The following MYO7A variants were observed in gnomAD, a reference collection of about 807,000 sequenced individuals.
The protein encoded by MYO7A is unconventional myosin-VIIa.
MYO7A carries 210 observed loss-of-function variants against 263.8 expected under a neutral mutation model. The ratio of observed to expected loss-of-function variants is 0.80; its 90% CI spans 0.71 to 0.89. The LOEUF is 0.89. Ranked by LOEUF, MYO7A falls within the 40% of genes least tolerant of loss-of-function variation. The pLI is 0.00. For synonymous variants in MYO7A, 1,239 were observed against 1,197.3 expected (o/e 1.03, Z -0.72); for missense variants, 2,820 against 2,968.3 (o/e 0.95, Z 1.16).
At chr11:77,213,797 G>A (rs751866839) in intron 47 of MYO7A, 63 bp from the exon 48 acceptor site, 1 of 1,611,424 alleles carries the variant, frequency 6.2e-7, no homozygotes, top group Non-Finnish European at 8.5e-7. Flanking sequence ...GTGAGGGCAT[G>A]TGTGGGCAAG....
chr11:77,201,366 T>C, intron 35 of MYO7A, 82 bp from the exon 36 acceptor site: 1 of 1,397,332 alleles, frequency 7.2e-7, no homozygotes, highest in Non-Finnish European at 9.9e-7. Flanking sequence ...ACATGAGTGA[T>C]AACACCTCAG....
rs556665682 is a variant in MYO7A, at chr11:77,211,089, G to T, written c.6052-63G>T. ...CCCCGGCGTTGGGGGTCTTGGTGTGGTGGGAAAGGAGCCCACTTCTGCCAG... is the reference window on the plus strand; with the variant it reads ...CCCCGGCGTTGGGGGTCTTGGTGTGTTGGGAAAGGAGCCCACTTCTGCCAG... On this transcript the variant is annotated intron_variant, in intron 44 of 48. Transcript: ENST00000409709. The T allele has an allele frequency of 5.6e-6, 8 of 1,434,178 alleles. No homozygotes were observed. In the East Asian group the frequency reaches 2.0e-4, roughly 36 times the overall value. The allele number at this position is 1,434,178 out of a possible 1,614,324, so 88.8% of individuals were successfully genotyped here. A position where few individuals can be genotyped will look rare whatever the true frequency, so the allele number is the denominator to read the frequency against.
In MYO7A at chr11:77,195,704, G is replaced by C. The variant is rs184347880; in HGVS notation, c.4323+1180G>C. 3.8e-3 allele frequency among the ~76,000 whole-genome samples: 574 copies of C among 152,322 alleles called. 1 individual carries two copies. Among genetic ancestry groups the C allele is most frequent in the Non-Finnish European group, 5.7e-3 (388 of 68,036 alleles). On this transcript the variant is annotated intron_variant, in intron 32 of 48. Coordinates refer to ENST00000409709, the MANE Select transcript of MYO7A (RefSeq NM_000260.4). ...TGGACTGGAGCTCCTCAGAGTGTCT[G>C]TCCCAGAGCCCTGGGCCAGGCCCCA... is the stretch of plus-strand genomic sequence containing the variant.
chr11:77,153,337 G>A (rs1952146824), intron 4 of MYO7A, among the ~76,000 whole-genome samples: 1 of 152,100 alleles, frequency 6.6e-6, no homozygotes. Flanking sequence ...GAAGGCTGGA[G>A]AGAGCAGGGT....
Position 77,214,632 on chromosome 11 carries a change from C to A in MYO7A, c.6584C>A (p.Thr2195Asn). 6.3e-7 allele frequency: 1 copy of A among 1,587,102 alleles called. No individual in the cohort carries two copies. The highest frequency in any genetic ancestry group is 8.6e-7 in the Non-Finnish European group (1 of 1,167,206). Reference protein sequence around the residue: ...SLGYKMDDLLTSYISQMLTAM... With the variant: ...SLGYKMDDLLNSYISQMLTAM... ...GGCTACAAGATGGATGACCTCCTGA[C>A]TTCCTACATTAGCCAGATGCTCACA... Residue 2195 changes from threonine (T) to asparagine (N), a missense_variant, in exon 49 of 49, where the codon ACT becomes AAT. Transcript: ENST00000409709.
At chr11:77,214,056 A>T (rs1958020550) in intron 48 of MYO7A, 77 bp downstream of exon 48, 1 of 1,595,444 alleles carries the variant, frequency 6.3e-7, no homozygotes, top group African/African-American at 1.3e-5. Context: ...GGCCTGGAAC[A>T]AACACAGTAG....
At position 77,204,096 on chromosome 11, in the gene MYO7A, G is replaced by T. The variant is rs929778737; in HGVS notation, c.5347G>T (p.Asp1783Tyr). The T allele has an allele frequency of 1.9e-6, 3 of 1,601,348 alleles. No homozygotes were observed. The highest frequency in any genetic ancestry group is 2.6e-6 in the Non-Finnish European group (3 of 1,174,286). ...AFIAVLKYMGDYPSKRTRSVN... is the reference protein window; with the variant it reads ...AFIAVLKYMGYYPSKRTRSVN... The stretch of plus-strand genomic sequence containing the variant: ...CCCAGCTGTGCTCAAGTACATGGGC[G>T]ACTACCCGTCCAAGAGGACACGCTC... The change falls in exon 39 of 49, where the codon GAC (aspartate) becomes TAC (tyrosine). Residue 1783 changes from aspartate to tyrosine, a missense_variant. Physicochemically the swap from Asp to Tyr is radical, Grantham distance 160 (BLOSUM62 -3). Coordinates refer to ENST00000409709, the MANE Select transcript of MYO7A (RefSeq NM_000260.4).
At chr11:77,142,625 G>A in intron 2 of MYO7A, 84 bp from the exon 3 acceptor site, 1 of 1,154,178 alleles carries the variant, frequency 8.7e-7, no homozygotes. Flanking sequence ...GCCTCTGATT[G>A]TAGCAGAGGG....
intron 39 of MYO7A, among the ~76,000 whole-genome samples, chr11:77,204,741 C>T (rs1957321971): frequency 6.6e-6 from 1 of 152,192 alleles, no homozygotes; most frequent in South Asian, 2.1e-4. Flanking sequence ...GAAGCTCCAC[C>T]CTCTCTCCTT....
rs1295454476 is a variant in MYO7A at position 77,196,546 on chromosome 11, C to A, written c.4324-935C>A. Among the ~76,000 whole-genome samples, 3 of 152,266 alleles carry A rather than the reference C, an allele frequency of 2.0e-5. No homozygotes were observed. In the East Asian group the frequency reaches 5.8e-4, roughly 29 times the overall value. On this transcript the variant is annotated intron_variant, in intron 32 of 48. Transcript: ENST00000409709. ...CAAAGTTATGGAGAAATTGCACGTT[C>A]AAAAAAGTAGGACTGCTATGTGCAC...
chr11:77,179,841 G>T lies in MYO7A; in HGVS notation c.2474G>T (p.Arg825Leu). The T allele has an allele frequency of 6.5e-7, 1 of 1,542,906 alleles. No individual in the cohort carries two copies. Among genetic ancestry groups the T allele is most frequent in the Non-Finnish European group, 8.7e-7 (1 of 1,146,916 alleles). ...QRIIQFQARCRAYLVRKAFRH... is the reference protein window; with the variant it reads ...QRIIQFQARCLAYLVRKAFRH... ...ATCATCCAGTTCCAGGCCCGCTGCC[G>T]CGCCTATCTGGTGCGCAAGGCCTTC... Residue 825 changes from arginine to leucine, a missense_variant, in exon 21 of 49, where the codon CGC becomes CTC. Arg to Leu is a moderately radical substitution (Grantham distance 102). Transcript: ENST00000409709.
rs782039924 is a variant in MYO7A, at chr11:77,172,798, G to A, written c.1848G>A (p.Arg616=). 3.8e-6 allele frequency: 6 copies of A among 1,558,664 alleles called. No homozygotes were observed. Among genetic ancestry groups the A allele is most frequent in the Non-Finnish European group, 4.3e-6 (5 of 1,151,524 alleles). The change falls in exon 16 of 49, where the codon CGG becomes CGA. Residue 616 remains arginine, a synonymous_variant. Transcript: ENST00000409709. ...RSPTLSSQFK[R]SLELLMRTLG... The stretch of plus-strand genomic sequence containing the variant: ...CCACACTTAGCAGCCAGTTCAAGCG[G>A]TCACTGGAGCTGCTGATGCGCACGC...
Position 77,162,243 on chromosome 11 carries a change from C to T in MYO7A, c.1467C>T (p.Phe489=). ...LESIDWLHIE[F]TDNQDALDMI... Reference sequence around the variant, plus strand: ...GCATTGACTGGCTGCACATCGAGTTCACTGACAACCAGGATGCCCTGGACA... The same window carrying T: ...GCATTGACTGGCTGCACATCGAGTTTACTGACAACCAGGATGCCCTGGACA... Residue 489 remains phenylalanine, a synonymous_variant, in exon 13 of 49, where the codon TTC becomes TTT. Coordinates refer to ENST00000409709, the MANE Select transcript of MYO7A (RefSeq NM_000260.4). 3 of 1,564,120 alleles carry T rather than the reference C, an allele frequency of 1.9e-6. No individual in the cohort carries two copies. The highest frequency in any genetic ancestry group is 1.7e-6 in the Non-Finnish European group (2 of 1,153,574).
chr11:77,182,011 C>T lies in MYO7A; in HGVS notation c.2965C>T (p.Pro989Ser). 6.2e-7 allele frequency: 1 copy of T among 1,613,366 alleles called. No individual in the cohort carries two copies. Among genetic ancestry groups the T allele is most frequent in the South Asian group, 1.1e-5 (1 of 91,066 alleles). Residue 989 changes from proline to serine, a missense_variant, in exon 24 of 49, where the codon CCT (proline) becomes TCT (serine). Transcript: ENST00000409709. ...EEDLDAALPLPDEDEEDLSEY... is the reference protein window; with the variant it reads ...EEDLDAALPLSDEDEEDLSEY... ...GGACCTGGATGCAGCCCTGCCCCTG[C>T]CTGACGAGGATGAGGAGGACCTCTC...
In MYO7A at chr11:77,190,114, A is replaced by T; in HGVS notation, c.3725A>T (p.Gln1242Leu). Residue 1242 changes from glutamine (Q) to leucine (L), a missense_variant, in exon 29 of 49, where the codon CAG becomes CTG. Physicochemically the swap from Gln to Leu is moderately radical, Grantham distance 113. Transcript: ENST00000409709. ...ACCTTTGTCAATGGGACACGGACAC[A>T]GCCGCCCAGCTGGCTGGAGCTGCAG... is the stretch of plus-strand genomic sequence containing the variant. Reference protein sequence around the residue: ...RRTFVNGTRTQPPSWLELQAT... With the variant: ...RRTFVNGTRTLPPSWLELQAT... The T allele has an allele frequency of 6.4e-7, 1 of 1,573,054 alleles. No homozygotes were observed. The highest frequency in any genetic ancestry group is 8.6e-7 in the Non-Finnish European group (1 of 1,159,760).
intron 27 of MYO7A, chr11:77,185,009 A>C (rs1039031480): frequency 1.9e-5 from 11 of 581,394 alleles, no homozygotes; most frequent in Non-Finnish European, 3.4e-5. Context: ...TTGGTTTCCC[A>C]GTGCATATAA....
intron 43 of MYO7A, 87 bp downstream of exon 43, chr11:77,208,604 G>C (rs1957626580): frequency 2.6e-6 from 4 of 1,510,154 alleles, no homozygotes; most frequent in African/African-American, 2.8e-5. Context: ...ACCTAGGCGG[G>C]CCTGAGTGAG....
At chr11:77,161,365 G>A (rs1952981432) in intron 12 of MYO7A, among the ~76,000 whole-genome samples, 1 of 152,074 alleles carries the variant, frequency 6.6e-6, no homozygotes, top group African/African-American at 2.4e-5. Context: ...GGAAACCTCT[G>A]GTCTCCAGGA....
At chr11:77,181,253 T>G (rs1435094980) in intron 22 of MYO7A, 127 bp from the exon 23 acceptor site, 2 of 806,882 alleles carry the variant, frequency 2.5e-6, no homozygotes, top group African/African-American at 3.5e-5. Context: ...GCTCCATTCT[T>G]CCCAGCGGTC....
Sources: allele counts gnomAD v4.1 joint callset (sites outside exome capture counted in the v4.1 genomes callset), GRCh38; gene constraint gnomAD v4.1.1; transcripts MANE v1.5; gene names NCBI Gene and HGNC (gene_info 2026-07-23, HGNC 2026-07-21).